The following HSF2BP variants were observed in gnomAD, a reference collection of about 807,000 sequenced individuals.
The protein encoded by HSF2BP is heat shock factor 2-binding protein.
HSF2BP carries 35 observed loss-of-function variants against 35.0 expected under a neutral mutation model. That is an observed-to-expected ratio of 1.00 (90% CI 0.76 to 1.32). The LOEUF (loss-of-function observed/expected upper bound fraction) is 1.32. Among genes scored for constraint, HSF2BP ranks in the 40% most tolerant of loss-of-function variants. The pLI, the probability that HSF2BP is intolerant of heterozygous loss-of-function variation, is 0.00. For synonymous variants in HSF2BP, 114 were observed against 117.4 expected, an observed-to-expected ratio of 0.97 and a Z score of 0.18; for missense variants, 326 against 321.7, an observed-to-expected ratio of 1.01 and a Z score of -0.10.
At chr21:43,636,502 A>T (rs992373793) in intron 4 of HSF2BP, among the ~76,000 whole-genome samples, 7 of 152,222 alleles carry the variant, frequency 4.6e-5, no homozygotes, top group Non-Finnish European at 8.8e-5. Context: ...TTCTAATCAC[A>T]TATCTAAAAA....
At chr21:43,580,816 A>C (rs571617634) in intron 8 of HSF2BP, among the ~76,000 whole-genome samples, 1 of 152,360 alleles carries the variant, frequency 6.6e-6, no homozygotes, top group South Asian at 2.1e-4. Flanking sequence ...CATAATAAAG[A>C]AGTTGCTTAC....
intron 1 of HSF2BP, 68 bp from the exon 2 acceptor site, chr21:43,658,388 C>A (rs2147147179): frequency 2.2e-6 from 1 of 454,920 alleles, no homozygotes; most frequent in East Asian, 4.0e-5. Context: ...TGGGTCCTTT[C>A]CTGTTTGGCG....
intron 6 of HSF2BP, 101 bp from the exon 7 acceptor site, chr21:43,614,048 AC>A (rs2036170109): frequency 1.2e-6 from 1 of 814,480 alleles, no homozygotes; most frequent in African/African-American, 1.8e-5. Flanking sequence ...CCTAATGAAA[AC>A]ACAGCTGAAA....
chr21:43,587,099 C>G (rs1420562635), intron 8 of HSF2BP, among the ~76,000 whole-genome samples: 1 of 152,166 alleles, frequency 6.6e-6, no homozygotes, highest in Non-Finnish European at 1.5e-5. Context: ...ACCACCAGCA[C>G]CACGAACTAT....
intron 3 of HSF2BP, among the ~76,000 whole-genome samples, chr21:43,649,386 T>C (rs2082752493): frequency 6.6e-6 from 1 of 151,764 alleles, no homozygotes; most frequent in Admixed American, 6.6e-5. Flanking sequence ...TGAGTCAAGA[T>C]GATGCCACTG....
chr21:43,586,158 T>A (rs2081847982), intron 8 of HSF2BP, among the ~76,000 whole-genome samples: 1 of 152,184 alleles, frequency 6.6e-6, no homozygotes, highest in Non-Finnish European at 1.5e-5. Flanking sequence ...GTGGCCACCA[T>A]CTCAATACAC....
At chr21:43,632,253 ACTCCCCCACACACACG>A (rs2082482198) in intron 5 of HSF2BP, among the ~76,000 whole-genome samples, 1 of 56,096 alleles carries the variant, frequency 1.8e-5, no homozygotes. Context: ...ACACACACAC[ACTCCCCCACACACACG>A]CTCCCCCCAC....
rs1015263706 is a variant in HSF2BP at position 43,653,280 on chromosome 21, AAGAG to A, written c.187+3303_187+3306del. 2.0e-5 allele frequency among the ~76,000 whole-genome samples: 3 copies of A among 149,554 alleles called. No individual in the cohort carries two copies. In the South Asian group the frequency reaches 6.5e-4, roughly 32 times the overall value. ...GAGGGAAGGGAAGGGAGAAGGAAGG[AAGAG>A]AGAGAGAGAAAGAAAGAAGGGCATG... is the stretch of plus-strand genomic sequence containing the variant. On this transcript the variant is annotated intron_variant, in intron 3 of 8. Coordinates refer to ENST00000291560, the MANE Select transcript of HSF2BP (RefSeq NM_007031.2).
intron 8 of HSF2BP, among the ~76,000 whole-genome samples, chr21:43,580,706 A>G (rs1214494142): frequency 6.6e-6 from 1 of 152,240 alleles, no homozygotes; most frequent in African/African-American, 2.4e-5. Context: ...CTATCAAGAG[A>G]AACACTTGAC....
intron 8 of HSF2BP, among the ~76,000 whole-genome samples, chr21:43,584,284 T>G (rs1228754041): frequency 6.6e-6 from 1 of 152,178 alleles, no homozygotes; most frequent in Non-Finnish European, 1.5e-5. Context: ...CTGGAGACTC[T>G]GGACAGCCAA....
Position 43,650,269 on chromosome 21 carries a change from C to T in HSF2BP, c.188-5877G>A, listed in dbSNP as rs544623036. 8.6e-5 allele frequency among the ~76,000 whole-genome samples: 13 copies of T among 152,006 alleles called. 1 individual carries two copies. The East Asian group carries it at 2.3e-3, about 27-fold the overall frequency. The stretch of plus-strand genomic sequence containing the variant: ...TCGCCCGGGCTGGAGTGCAGTGGTG[C>T]GATCTCGGCTCACTGCAAGCTCCGC... On this transcript the variant is annotated intron_variant, in intron 3 of 8. Coordinates refer to ENST00000291560, the MANE Select transcript of HSF2BP (RefSeq NM_007031.2).
At chr21:43,636,133 G>A (rs1568932191) in intron 4 of HSF2BP, among the ~76,000 whole-genome samples, 1 of 150,392 alleles carries the variant, frequency 6.6e-6, no homozygotes, top group Non-Finnish European at 1.5e-5. Flanking sequence ...AAGCTGAAGT[G>A]AGCCATGATC....
chr21:43,630,477 G>A, intron 5 of HSF2BP, 23 bp from the exon 6 acceptor site: 2 of 1,601,356 alleles, frequency 1.2e-6, no homozygotes, highest in Non-Finnish European at 8.5e-7. Context: ...AAATCAGAGT[G>A]TCATATCTTT....
At chr21:43,621,245 G>A (rs2082328097) in intron 6 of HSF2BP, among the ~76,000 whole-genome samples, 1 of 152,172 alleles carries the variant, frequency 6.6e-6, no homozygotes, top group African/African-American at 2.4e-5. Flanking sequence ...ATACAAGCCA[G>A]GCTGGGCACA....
At chr21:43,501,378 C>G in the HSF2BP span, among the ~76,000 whole-genome samples, 1 of 103,296 alleles carries the variant, frequency 9.7e-6, no homozygotes, top group Non-Finnish European at 1.9e-5. Flanking sequence ...GACCTGCCTG[C>G]TAGTCACTCT....
intron 8 of HSF2BP, among the ~76,000 whole-genome samples, chr21:43,587,911 G>A (rs1250570153): frequency 1.3e-5 from 2 of 152,086 alleles, no homozygotes; most frequent in African/African-American, 2.4e-5. Context: ...GGAAACTTCC[G>A]GAGGACCAGA....
chr21:43,630,697 TGATGATG>T (rs1426378908), intron 5 of HSF2BP, among the ~76,000 whole-genome samples: 1 of 152,122 alleles, frequency 6.6e-6, no homozygotes, highest in African/African-American at 2.4e-5. Context: ...CAAATGTACA[TGATGATG>T]AAAGTAAATG....
chr21:43,635,088 A>C (rs990406054), intron 4 of HSF2BP, among the ~76,000 whole-genome samples: 7 of 151,872 alleles, frequency 4.6e-5, no homozygotes, highest in East Asian at 1.9e-4. Context: ...CAAAAAAAAA[A>C]CAAACAAACC....
intron 4 of HSF2BP, among the ~76,000 whole-genome samples, chr21:43,638,895 A>G (rs1598206): frequency 0.61 from 92,856 of 152,116 alleles, 28,653 homozygotes; most frequent in East Asian, 0.79. Flanking sequence ...CATTTTATCC[A>G]GTGTTAAGGC....
Sources: gnomAD v4.1 joint callset for allele counts (sites outside exome capture counted in the v4.1 genomes callset) on GRCh38, gnomAD v4.1.1 for gene constraint, MANE v1.5 for transcripts, NCBI Gene and HGNC (gene_info 2026-07-23, HGNC 2026-07-21) for gene names.